The following FBXO4 variants were observed in gnomAD, a reference collection of about 807,000 sequenced individuals.
FBXO4 encodes F-box only protein 4.
Under a neutral mutation model 43.7 loss-of-function variants are expected in FBXO4, and 36 were observed. That is an observed-to-expected ratio of 0.82 (90% CI 0.63 to 1.09). The LOEUF is 1.09. Among genes scored for constraint, FBXO4 ranks in the 50% least tolerant of loss-of-function variants. The probability of loss-of-function intolerance (pLI) is 0.00; values close to 1 mark genes in which losing one functional copy is unlikely to be tolerated. For synonymous variants in FBXO4, 180 were observed against 165.6 expected, an observed-to-expected ratio of 1.09 and a Z score of -0.67; for missense variants, 435 against 474.1, an observed-to-expected ratio of 0.92 and a Z score of 0.77.
chr5:42,022,261 G>A, the FBXO4 span, among the ~76,000 whole-genome samples: 1 of 152,224 alleles, frequency 6.6e-6, no homozygotes, highest in East Asian at 1.9e-4. Flanking sequence ...GAGAAAAAGA[G>A]AAAAGCCCTG....
chr5:42,007,818 G>C, the FBXO4 span, among the ~76,000 whole-genome samples: 1 of 152,078 alleles, frequency 6.6e-6, no homozygotes, highest in Admixed American at 6.6e-5. Flanking sequence ...ACATATAGTA[G>C]ACTAATCCCA....
chr5:41,939,550 A>G lies in FBXO4; in HGVS notation c.1008A>G (p.Val336=). 1 of 1,613,878 alleles carries G rather than the reference A, an allele frequency of 6.2e-7. No homozygotes were observed. The highest frequency in any genetic ancestry group is 8.5e-7 in the Non-Finnish European group (1 of 1,179,854). Residue 336 remains valine (V), a synonymous_variant, in exon 6 of 7, where the codon GTA becomes GTG. Coordinates refer to ENST00000281623, the MANE Select transcript of FBXO4 (RefSeq NM_012176.3). ...LVLSCISQGD[V]KRMPCFYLAH... ...TATCTTGTATTTCTCAAGGGGATGTAAAAAGAATGCCCTGTTTTTATTTGG... is the reference window on the plus strand; with the variant it reads ...TATCTTGTATTTCTCAAGGGGATGTGAAAAGAATGCCCTGTTTTTATTTGG...
the FBXO4 span, among the ~76,000 whole-genome samples, chr5:42,033,875 T>C: frequency 0.016 from 2,449 of 152,266 alleles, 123 homozygotes; most frequent in East Asian, 0.1. Flanking sequence ...GGTATATACC[T>C]AGTAATGGGA....
chr5:41,963,002 T>C, the FBXO4 span, among the ~76,000 whole-genome samples: 1 of 152,222 alleles, frequency 6.6e-6, no homozygotes, highest in East Asian at 1.9e-4. Flanking sequence ...CATTAGGTTT[T>C]ATCCCTCATT....
the FBXO4 span, among the ~76,000 whole-genome samples, chr5:41,998,298 G>A: frequency 1.3e-5 from 2 of 152,178 alleles, no homozygotes; most frequent in African/African-American, 4.8e-5. Context: ...AGCAATTACA[G>A]GCGCCTTCAA....
chr5:41,973,513 C>CA, the FBXO4 span, among the ~76,000 whole-genome samples: 1 of 152,114 alleles, frequency 6.6e-6, no homozygotes, highest in East Asian at 1.9e-4. Flanking sequence ...CCTGTTTCTA[C>CA]AAAAAATAAT....
At chr5:41,985,999 C>G in the FBXO4 span, among the ~76,000 whole-genome samples, 4 of 152,132 alleles carry the variant, frequency 2.6e-5, no homozygotes, top group Non-Finnish European at 5.9e-5. Flanking sequence ...ATTCCCGACT[C>G]TTGTCTTTTT....
chr5:41,927,346 G>A (rs2112567166), intron 2 of FBXO4, 98 bp downstream of exon 2: 1 of 904,268 alleles, frequency 1.1e-6, no homozygotes, highest in South Asian at 1.8e-5. Flanking sequence ...CTGATTTGTT[G>A]CGTGGATTTG....
chr5:41,937,586 C>T (rs898596327), intron 5 of FBXO4, among the ~76,000 whole-genome samples: 4 of 152,096 alleles, frequency 2.6e-5, no homozygotes, highest in African/African-American at 9.7e-5. Flanking sequence ...TTCCCTCTGG[C>T]TTCACCTAAA....
chr5:41,992,274 A>T, the FBXO4 span, among the ~76,000 whole-genome samples: 1 of 152,336 alleles, frequency 6.6e-6, no homozygotes, highest in East Asian at 1.9e-4. Context: ...AATCCTACAT[A>T]TGAAATTAAG....
the FBXO4 span, chr5:41,963,847 G>A: frequency 6.6e-6 from 1 of 152,096 alleles, no homozygotes; most frequent in Non-Finnish European, 1.5e-5. Context: ...CAACTGTAAT[G>A]AAATAATTAG....
chr5:41,949,967 G>A, the FBXO4 span, among the ~76,000 whole-genome samples: 2 of 152,256 alleles, frequency 1.3e-5, no homozygotes, highest in South Asian at 4.2e-4. Context: ...AATAGGGAAA[G>A]GATTCCCTAT....
At chr5:42,026,180 T>G in the FBXO4 span, among the ~76,000 whole-genome samples, 8 of 151,998 alleles carry the variant, frequency 5.3e-5, no homozygotes, top group Admixed American at 1.3e-4. Flanking sequence ...TCATGGAATA[T>G]TTTTCCATTT....
chr5:41,943,351 C>T (rs986937799), downstream of FBXO4, among the ~76,000 whole-genome samples: 13 of 152,198 alleles, frequency 8.5e-5, no homozygotes, highest in Non-Finnish European at 1.3e-4. Flanking sequence ...ATGACCTAAC[C>T]CAAATTTCCA....
chr5:41,927,029 A>G lies in FBXO4; in HGVS notation c.206A>G (p.Tyr69Cys). ...CTGTTTCAGATTGATGTACAGCTATATATTTTGTCCTTTCTTTCACCTCAT... is the reference window on the plus strand; with the variant it reads ...CTGTTTCAGATTGATGTACAGCTATGTATTTTGTCCTTTCTTTCACCTCAT... ...LTRLPIDVQL[Y>C]ILSFLSPHDL... The change falls in exon 2 of 7, where the codon TAT (tyrosine) becomes TGT (cysteine). Residue 69 changes from tyrosine to cysteine, a missense_variant. Tyr to Cys is a radical substitution (Grantham distance 194). Transcript: ENST00000281623. 4.4e-6 allele frequency: 7 copies of G among 1,608,348 alleles called. No individual in the cohort carries two copies. The highest frequency in any genetic ancestry group is 5.9e-6 in the Non-Finnish European group (7 of 1,177,408).
At chr5:42,007,516 G>A in the FBXO4 span, among the ~76,000 whole-genome samples, 1 of 152,138 alleles carries the variant, frequency 6.6e-6, no homozygotes, top group South Asian at 2.1e-4. Flanking sequence ...ATTATCCGTA[G>A]ATAAGTGTTA....
the FBXO4 span, among the ~76,000 whole-genome samples, chr5:42,017,775 T>C: frequency 6.6e-6 from 1 of 151,176 alleles, no homozygotes; most frequent in Non-Finnish European, 1.5e-5. Flanking sequence ...CATGATTTCC[T>C]GCCTTTTTTT....
At chr5:41,927,730 G>T (rs1459344841) in intron 2 of FBXO4, among the ~76,000 whole-genome samples, 1 of 152,128 alleles carries the variant, frequency 6.6e-6, no homozygotes, top group Admixed American at 6.5e-5. Context: ...CAGTGTACTG[G>T]ATTCTACGAG....
the FBXO4 span, among the ~76,000 whole-genome samples, chr5:42,026,508 A>C: frequency 6.6e-6 from 1 of 151,868 alleles, no homozygotes. Flanking sequence ...ATCTGCAAGG[A>C]AGGATAATTT....
Sources: allele counts gnomAD v4.1 joint callset (sites outside exome capture counted in the v4.1 genomes callset), GRCh38; gene constraint gnomAD v4.1.1; transcripts MANE v1.5; gene names NCBI Gene and HGNC (gene_info 2026-07-23, HGNC 2026-07-21).